Variants in PCDHGB4 observed in about 807,000 individuals in gnomAD.
The protein encoded by PCDHGB4 is protocadherin gamma subfamily B, 4, also known as protocadherin gamma-B4.
In PCDHGB4, 38 loss-of-function variants were observed where a neutral mutation model predicts 60.5. That is an observed-to-expected ratio of 0.63 (90% CI 0.48 to 0.82). The LOEUF (loss-of-function observed/expected upper bound fraction) is 0.82, where lower values mean the gene tolerates loss of function less well. PCDHGB4 is among the 40% of genes least tolerant of loss of function. The pLI, the probability that PCDHGB4 is intolerant of heterozygous loss-of-function variation, is 0.00. For synonymous variants in PCDHGB4, 456 were observed against 509.7 expected, an observed-to-expected ratio of 0.89 and a Z score of 1.42; for missense variants, 1,109 against 1,209.6, an observed-to-expected ratio of 0.92 and a Z score of 1.23.
At chr5:141,398,565 A>C in intron 1 of PCDHGB4, 1 of 1,614,040 alleles carries the variant, frequency 6.2e-7, no homozygotes, top group Non-Finnish European at 8.5e-7. Context: ...GTGAGTCTGC[A>C]CAGCCTGGCA....
chr5:141,438,651 CAT>C (rs2098045358), intron 1 of PCDHGB4, among the ~76,000 whole-genome samples: 1 of 83,744 alleles, frequency 1.2e-5, no homozygotes, highest in East Asian at 3.2e-4. Context: ...CACACACACA[CAT>C]ATATGTATAT....
intron 1 of PCDHGB4, chr5:141,392,939 C>T (rs1425022179): frequency 1.2e-6 from 2 of 1,613,830 alleles, no homozygotes; most frequent in Non-Finnish European, 1.7e-6. Context: ...CGGACAAAGG[C>T]TCCTTCGTGG....
At chr5:141,451,640 G>A (rs2098720679) in intron 1 of PCDHGB4, among the ~76,000 whole-genome samples, 1 of 152,166 alleles carries the variant, frequency 6.6e-6, no homozygotes, top group South Asian at 2.1e-4. Context: ...CCAGCACTCT[G>A]AGAGGCCAAG....
At chr5:141,510,873 T>A in intron 3 of PCDHGB4, 74 bp from the exon 4 acceptor site, 1 of 1,609,964 alleles carries the variant, frequency 6.2e-7, no homozygotes, top group Non-Finnish European at 8.5e-7. Flanking sequence ...ATTCATTAAC[T>A]GCTGGGGATA....
intron 1 of PCDHGB4, among the ~76,000 whole-genome samples, chr5:141,435,833 A>G (rs1354866725): frequency 6.6e-6 from 1 of 152,112 alleles, no homozygotes; most frequent in Non-Finnish European, 1.5e-5. Flanking sequence ...TTTGCTGCCT[A>G]TCTACTTTGA....
At position 141,405,363 on chromosome 5, in the gene PCDHGB4, C is replaced by T. The variant is rs765508317; in HGVS notation, c.2397+15082C>T. The T allele has an allele frequency of 2.0e-5, 33 of 1,613,690 alleles. No individual in the cohort carries two copies. The highest frequency in any genetic ancestry group is 2.7e-5 in the African/African-American group (2 of 74,888). On this transcript the variant is annotated intron_variant, in intron 1 of 3. Coordinates refer to ENST00000519479, the MANE Select transcript of PCDHGB4 (RefSeq NM_003736.4). ...GATTCCAAGTTTCCTATAGAAGACACCCCTTTGGTTCCGGTGAGTTCATTT... is the reference window on the plus strand; with the variant it reads ...GATTCCAAGTTTCCTATAGAAGACATCCCTTTGGTTCCGGTGAGTTCATTT...
At chr5:141,412,713 TG>T (rs1172943618) in intron 1 of PCDHGB4, 2 of 152,812 alleles carry the variant, frequency 1.3e-5, no homozygotes, top group Non-Finnish European at 2.9e-5. Context: ...TGTACATTTC[TG>T]TTGGGAAAAC....
Position 141,398,834 on chromosome 5 carries a change from A to G in PCDHGB4, c.2397+8553A>G, listed in dbSNP as rs201953825. On this transcript the variant is annotated intron_variant, in intron 1 of 3. Transcript: ENST00000519479. Reference sequence around the variant, plus strand: ...CTCCGGATCCAGGTAACCGACGCCAATGATAATCCCCCGGTATTCAACCGA... The same window carrying G: ...CTCCGGATCCAGGTAACCGACGCCAGTGATAATCCCCCGGTATTCAACCGA... The G allele has an allele frequency of 3.9e-4, 623 of 1,614,014 alleles. 4 individuals are homozygous for G. In the South Asian group the frequency reaches 4.2e-3, roughly 11 times the overall value.
chr5:141,466,486 T>C (rs1005010773), intron 1 of PCDHGB4, among the ~76,000 whole-genome samples: 1 of 152,240 alleles, frequency 6.6e-6, no homozygotes, highest in Non-Finnish European at 1.5e-5. Flanking sequence ...GTAGGTCTTC[T>C]TTAATTAGAG....
Position 141,432,878 on chromosome 5 carries a change from TTCGTCA to T in PCDHGB4, c.2397+42600_2397+42605del. 6.2e-7 allele frequency: 1 copy of T among 1,614,178 alleles called. No individual in the cohort carries two copies. The highest frequency in any genetic ancestry group is 1.7e-5 in the Admixed American group (1 of 60,036). Reference sequence around the variant, plus strand: ...CGCGGTCTCCTGCGTCTTCCTGGCCTTCGTCATCTTGCTGCTGGCGCTCAGGCTGCG... The same window carrying T: ...CGCGGTCTCCTGCGTCTTCCTGGCCTTCTTGCTGCTGGCGCTCAGGCTGCG... On this transcript the variant is annotated intron_variant, in intron 1 of 3. Transcript: ENST00000519479. This position sits in a 1 kb window ranked among gnomAD's most constrained non-coding sequence, Gnocchi z 6.0.
At chr5:141,416,859 G>C (rs1411419006) in intron 1 of PCDHGB4, 1 of 151,936 alleles carries the variant, frequency 6.6e-6, no homozygotes, top group African/African-American at 2.4e-5. Context: ...ATTTTTTTCA[G>C]GTCAGTCAAC....
In PCDHGB4 at chr5:141,485,275, G is replaced by C. The variant is rs77402299; in HGVS notation, c.2398-9532G>C. ...ACGTTTGTGGGCAGATCCGCTACCC[G>C]GTCCCAGAGGAGTCACAGGAAGGGA... On this transcript the variant is annotated intron_variant, in intron 1 of 3. Transcript: ENST00000519479. The surrounding 1 kb of genome is among the most constrained non-coding windows in gnomAD (Gnocchi z 5.7). The C allele has an allele frequency of 2.5e-6, 4 of 1,614,072 alleles. No individual in the cohort carries two copies. Among genetic ancestry groups the C allele is most frequent in the Admixed American group, 1.7e-5 (1 of 60,024 alleles).
chr5:141,496,980 G>T (rs186715298), intron 2 of PCDHGB4, among the ~76,000 whole-genome samples: 1 of 151,974 alleles, frequency 6.6e-6, no homozygotes, highest in Admixed American at 6.6e-5. Flanking sequence ...GAGGTCAGGG[G>T]TTTGAGACCA....
intron 1 of PCDHGB4, among the ~76,000 whole-genome samples, chr5:141,479,935 A>C (rs1226362422): frequency 1.3e-5 from 2 of 152,232 alleles, no homozygotes. Context: ...CATCATTGCT[A>C]TCAACTCTTG....
At chr5:141,456,777 A>G (rs572940615) in intron 1 of PCDHGB4, among the ~76,000 whole-genome samples, 2 of 152,214 alleles carry the variant, frequency 1.3e-5, no homozygotes, top group Admixed American at 6.5e-5. Flanking sequence ...AGCCTGGCCT[A>G]CATGGCAAAA....
chr5:141,449,588 C>CAAA (rs768743917), intron 1 of PCDHGB4, among the ~76,000 whole-genome samples: 1 of 57,476 alleles, frequency 1.7e-5, no homozygotes, highest in East Asian at 5.2e-4. Context: ...GACTCTGTCT[C>CAAA]AAAAAAAAAA....
At chr5:141,435,054 C>A (rs891988253) in intron 1 of PCDHGB4, among the ~76,000 whole-genome samples, 7 of 151,964 alleles carry the variant, frequency 4.6e-5, no homozygotes, top group Admixed American at 1.3e-4. Context: ...ATTGACCATG[C>A]AGCAGTTTTG....
intron 3 of PCDHGB4, among the ~76,000 whole-genome samples, chr5:141,506,138 G>T (rs983643755): frequency 6.6e-6 from 1 of 152,134 alleles, no homozygotes; most frequent in African/African-American, 2.4e-5. Flanking sequence ...AGGAGAAGAA[G>T]AATATCATTT....
chr5:141,418,314 C>T, intron 1 of PCDHGB4: 1 of 1,613,988 alleles, frequency 6.2e-7, no homozygotes. Context: ...GGGATGGGAA[C>T]AATTCTTGAG....
Sources: allele counts gnomAD v4.1 joint callset (sites outside exome capture counted in the v4.1 genomes callset), GRCh38; gene constraint gnomAD v4.1.1; non-coding constraint Gnocchi (gnomAD v3.1); transcripts MANE v1.5; gene names NCBI Gene and HGNC (gene_info 2026-07-23, HGNC 2026-07-21).